SCHIP1: variants seen among roughly 807,000 people sequenced by gnomAD.
SCHIP1 encodes the protein schwannomin interacting protein 1, also known as schwannomin-interacting protein 1.
A neutral mutation model predicts 29.7 loss-of-function variants in SCHIP1; 8 were observed. The ratio of observed to expected loss-of-function variants is 0.27; its 90% CI spans 0.16 to 0.49. SCHIP1 has a LOEUF of 0.49. SCHIP1 is among the 20% of genes least tolerant of loss of function. The pLI is 0.99. For missense variants in SCHIP1, 193 were observed against 294.6 expected, an observed-to-expected ratio of 0.66 and a Z score of 2.52; for synonymous variants, 76 against 94.9, an observed-to-expected ratio of 0.80 and a Z score of 1.16.
chr3:159,299,647 C>T, the SCHIP1 span, among the ~76,000 whole-genome samples: 3 of 152,202 alleles, frequency 2.0e-5, no homozygotes, highest in Non-Finnish European at 4.4e-5. Context: ...GCTTCTGTTG[C>T]CATTGCATTA....
the SCHIP1 span, among the ~76,000 whole-genome samples, chr3:159,820,898 T>A: frequency 8.6e-3 from 1,305 of 152,296 alleles, 18 homozygotes; most frequent in African/African-American, 0.03. Flanking sequence ...AGAACTTTCT[T>A]CCAAGATGGA....
Position 159,880,154 on chromosome 3 carries a change from G to C in SCHIP1, c.150-6053G>C, listed in dbSNP as rs550645867. Among the ~76,000 whole-genome samples, 9 of 152,170 alleles carry C rather than the reference G, an allele frequency of 5.9e-5. No individual in the cohort carries two copies. In the East Asian group the frequency reaches 1.7e-3, roughly 29 times the overall value. The stretch of plus-strand genomic sequence containing the variant: ...TCCTGTAAGGTGGGGATCAGGACAG[G>C]ATATAAAGAGACATAATGTCCTCCC... On this transcript the variant is annotated intron_variant, in intron 2 of 6. Coordinates refer to ENST00000445224, the Ensembl canonical transcript of SCHIP1.
chr3:159,739,120 G>A, the SCHIP1 span, among the ~76,000 whole-genome samples: 2 of 152,168 alleles, frequency 1.3e-5, no homozygotes, highest in Non-Finnish European at 2.9e-5. Flanking sequence ...TAGTGGACAG[G>A]GACCGGGGAT....
At chr3:159,412,264 T>C in the SCHIP1 span, among the ~76,000 whole-genome samples, 5 of 152,232 alleles carry the variant, frequency 3.3e-5, no homozygotes, top group Non-Finnish European at 5.9e-5. Context: ...ATGTTTAATG[T>C]ACTATTAGTT....
At chr3:159,804,219 G>A in the SCHIP1 span, among the ~76,000 whole-genome samples, 1 of 152,154 alleles carries the variant, frequency 6.6e-6, no homozygotes, top group Non-Finnish European at 1.5e-5. Context: ...TTAGAGCTCT[G>A]AGTATTTAGA....
the SCHIP1 span, among the ~76,000 whole-genome samples, chr3:159,591,945 TTAAAAC>T: frequency 6.7e-6 from 1 of 148,992 alleles, no homozygotes; most frequent in Non-Finnish European, 1.5e-5. Context: ...AAAATTAAAA[TTAAAAC>T]TAAAAAATGT....
chr3:159,293,397 T>C, the SCHIP1 span, among the ~76,000 whole-genome samples: 1 of 152,194 alleles, frequency 6.6e-6, no homozygotes, highest in Admixed American at 6.5e-5. Flanking sequence ...TGTGAACTTA[T>C]ACAGGCCACC....
the SCHIP1 span, among the ~76,000 whole-genome samples, chr3:159,740,666 C>G: frequency 1.3e-5 from 2 of 150,068 alleles, no homozygotes; most frequent in Non-Finnish European, 2.9e-5. Flanking sequence ...AAAAATGAAT[C>G]TCTGCCTTCA....
chr3:159,678,150 T>G, the SCHIP1 span, among the ~76,000 whole-genome samples: 2 of 152,240 alleles, frequency 1.3e-5, no homozygotes, highest in Admixed American at 6.5e-5. Context: ...CTCTTTTGAA[T>G]CCACAGTTTT....
At chr3:159,509,040 G>A in the SCHIP1 span, among the ~76,000 whole-genome samples, 1 of 152,118 alleles carries the variant, frequency 6.6e-6, no homozygotes, top group African/African-American at 2.4e-5. Flanking sequence ...TTTCTGTCTT[G>A]TTGATCTGTC....
At chr3:159,386,383 A>G in the SCHIP1 span, among the ~76,000 whole-genome samples, 1 of 152,222 alleles carries the variant, frequency 6.6e-6, no homozygotes, top group Admixed American at 6.5e-5. Flanking sequence ...ATAAGAGAGG[A>G]CACAAACAAA....
At chr3:159,650,118 A>T in the SCHIP1 span, among the ~76,000 whole-genome samples, 1 of 152,204 alleles carries the variant, frequency 6.6e-6, no homozygotes, top group African/African-American at 2.4e-5. Context: ...AGGGACTTTG[A>T]GAGATCATCT....
the SCHIP1 span, among the ~76,000 whole-genome samples, chr3:159,605,193 A>G: frequency 1.3e-5 from 2 of 152,200 alleles, no homozygotes; most frequent in Admixed American, 1.3e-4. Context: ...CATTAGAAGG[A>G]GGGTGGGCTA....
chr3:159,410,496 A>T, the SCHIP1 span, among the ~76,000 whole-genome samples: 3 of 152,202 alleles, frequency 2.0e-5, no homozygotes, highest in African/African-American at 7.2e-5. Flanking sequence ...TCAAGAGAAG[A>T]CATACAAATG....
the SCHIP1 span, among the ~76,000 whole-genome samples, chr3:159,574,004 A>C: frequency 2.0e-5 from 3 of 152,166 alleles, no homozygotes; most frequent in African/African-American, 7.2e-5. Flanking sequence ...CTAGTTAGCC[A>C]TTCATCTAAT....
At chr3:159,393,335 A>G in the SCHIP1 span, among the ~76,000 whole-genome samples, 1 of 151,994 alleles carries the variant, frequency 6.6e-6, no homozygotes, top group East Asian at 1.9e-4. Context: ...CCATTTGTCA[A>G]TTTTGGCTTT....
the SCHIP1 span, among the ~76,000 whole-genome samples, chr3:159,589,494 C>A: frequency 6.6e-6 from 1 of 152,130 alleles, no homozygotes; most frequent in African/African-American, 2.4e-5. Flanking sequence ...ACTTCCAACA[C>A]TATGTTGAAT....
At chr3:159,549,922 T>A in the SCHIP1 span, among the ~76,000 whole-genome samples, 20 of 152,232 alleles carry the variant, frequency 1.3e-4, no homozygotes, top group Admixed American at 3.3e-4. Flanking sequence ...GGAAGAGTCA[T>A]GTCTGGTAGG....
At chr3:159,509,024 G>T in the SCHIP1 span, among the ~76,000 whole-genome samples, 1 of 152,154 alleles carries the variant, frequency 6.6e-6, no homozygotes, top group Non-Finnish European at 1.5e-5. Flanking sequence ...GGATATCCTT[G>T]TTAACTTTCT....
Sources: allele counts gnomAD v4.1 joint callset (sites outside exome capture counted in the v4.1 genomes callset), GRCh38; gene constraint gnomAD v4.1.1; transcripts MANE v1.5; gene names NCBI Gene and HGNC (gene_info 2026-07-23, HGNC 2026-07-21).